The following PCNX2 variants were observed in gnomAD, a reference collection of about 807,000 sequenced individuals.
PCNX2 encodes pecanex 2, also known as pecanex-like protein 2.
In PCNX2, 168 loss-of-function variants were observed where a neutral mutation model predicts 223.8. That is an observed-to-expected ratio of 0.75 (90% CI 0.66 to 0.85). The LOEUF is 0.85. Ranked by LOEUF, PCNX2 falls within the 40% of genes least tolerant of loss-of-function variation. The probability of loss-of-function intolerance (pLI) is 0.00; values close to 1 mark genes in which losing one functional copy is unlikely to be tolerated. For synonymous variants in PCNX2, 1,006 were observed against 1,052.6 expected, an observed-to-expected ratio of 0.96 and a Z score of 0.86; for missense variants, 2,507 against 2,675.5, an observed-to-expected ratio of 0.94 and a Z score of 1.39.
At chr1:233,288,170 G>T (rs1283364524) in intron 1 of PCNX2, among the ~76,000 whole-genome samples, 1 of 152,168 alleles carries the variant, frequency 6.6e-6, no homozygotes, top group Admixed American at 6.5e-5. Context: ...GAGACCAAAT[G>T]ATTAAAGCCA....
chr1:233,056,115 T>C (rs890406369), intron 24 of PCNX2, among the ~76,000 whole-genome samples: 49 of 152,192 alleles, frequency 3.2e-4, no homozygotes, highest in African/African-American at 1.0e-3. Context: ...TCAGTATGCT[T>C]AATCTTCTAT....
intron 19 of PCNX2, among the ~76,000 whole-genome samples, chr1:233,154,695 A>T (rs1678010616): frequency 6.6e-6 from 1 of 152,232 alleles, no homozygotes; most frequent in African/African-American, 2.4e-5. Context: ...AGATTTAAGC[A>T]ATGATACATG....
intron 1 of PCNX2, among the ~76,000 whole-genome samples, chr1:233,277,450 T>C (rs143851986): frequency 0.01 from 1,549 of 152,306 alleles, 14 homozygotes; most frequent in South Asian, 0.028. Context: ...GGTCATTGCA[T>C]CACAGAAGTG....
intron 1 of PCNX2, among the ~76,000 whole-genome samples, chr1:233,266,115 A>G (rs1282146891): frequency 6.6e-6 from 1 of 152,130 alleles, no homozygotes; most frequent in African/African-American, 2.4e-5. Context: ...AGTGGGAGAC[A>G]GAGATTTTAC....
Position 233,090,037 on chromosome 1 carries a change from T to A in PCNX2, c.4076+24A>T, listed in dbSNP as rs377116704. On this transcript the variant is annotated intron_variant, in intron 23 of 33. Transcript: ENST00000258229. ...GAAGTGCAAACTGGAGAAAAGCAAT[T>A]GAGCACTGATTTTAGGATCTTACTT... The A allele has an allele frequency of 5.6e-6, 9 of 1,613,122 alleles. No individual in the cohort carries two copies. The African/African-American group carries it at 1.1e-4, about 19-fold the overall frequency.
chr1:233,215,566 G>A (rs1052695192), intron 12 of PCNX2, among the ~76,000 whole-genome samples: 1 of 152,190 alleles, frequency 6.6e-6, no homozygotes. Flanking sequence ...AGCTGTACTT[G>A]CCATCCACCT....
In PCNX2 at chr1:233,252,519, T is replaced by C. The variant is rs773993044; in HGVS notation, c.1983-20A>G. ...TGAAAACTTAACACATATAAAAGTT[T>C]CAAAAAAAATGATTAGAAGTTCCTC... On this transcript the variant is annotated intron_variant, in intron 6 of 33. Coordinates refer to ENST00000258229, the MANE Select transcript of PCNX2 (RefSeq NM_014801.4). The C allele has an allele frequency of 1.9e-6, 3 of 1,583,556 alleles. No homozygotes were observed. In the East Asian group the frequency reaches 6.8e-5, roughly 36 times the overall value.
At chr1:233,143,368 T>C (rs1677239768) in intron 19 of PCNX2, among the ~76,000 whole-genome samples, 1 of 152,230 alleles carries the variant, frequency 6.6e-6, no homozygotes, top group Admixed American at 6.5e-5. Flanking sequence ...CAGAGTCTGA[T>C]GCAGTAGGTC....
At chr1:232,985,151 G>A (rs1435893889) in intron 33 of PCNX2, 1 of 152,248 alleles carries the variant, frequency 6.6e-6, no homozygotes, top group South Asian at 2.1e-4. Flanking sequence ...CCCCTTCCAT[G>A]AAAGGTGGCA....
At chr1:233,018,367 T>C (rs1452918330) in intron 26 of PCNX2, among the ~76,000 whole-genome samples, 1 of 152,134 alleles carries the variant, frequency 6.6e-6, no homozygotes, top group African/African-American at 2.4e-5. Flanking sequence ...TGTGAAATTG[T>C]TGTAATCTTC....
At position 233,185,084 on chromosome 1, in the gene PCNX2, A is replaced by AACACAC. The variant is rs60719299; in HGVS notation, c.3067-5915_3067-5910dup. On this transcript the variant is annotated intron_variant, in intron 15 of 33. Coordinates refer to ENST00000258229, the MANE Select transcript of PCNX2 (RefSeq NM_014801.4). ...ACTAATGCAGATGTATACATACATA[A>AACACAC]ACACACACACACACACACACACACA... Among the ~76,000 whole-genome samples the AACACAC allele has an allele frequency of 4.4e-3, 624 of 141,818 alleles. 2 individuals carry two copies. Among genetic ancestry groups the AACACAC allele is most frequent in the African/African-American group, 0.014 (546 of 37,816 alleles). The allele number at this position is 141,818 out of a possible 152,430, so 93.0% of individuals were successfully genotyped here. A position where few individuals can be genotyped will look rare whatever the true frequency, so the allele number is the denominator to read the frequency against.
At chr1:233,172,895 C>T (rs1369895517) in intron 17 of PCNX2, among the ~76,000 whole-genome samples, 3 of 152,080 alleles carry the variant, frequency 2.0e-5, no homozygotes, top group Non-Finnish European at 4.4e-5. Flanking sequence ...TTCCCTCTTC[C>T]TCTCTCTCAC....
At chr1:233,133,716 C>T (rs559617671) in intron 21 of PCNX2, among the ~76,000 whole-genome samples, 1 of 152,162 alleles carries the variant, frequency 6.6e-6, no homozygotes, top group African/African-American at 2.4e-5. Context: ...AACAATTAGC[C>T]AGGCGTGGTG....
intron 4 of PCNX2, chr1:233,259,844 C>A (rs1326328592): frequency 1.1e-6 from 1 of 899,340 alleles, no homozygotes; most frequent in South Asian, 5.1e-5. Context: ...AACACTCCCA[C>A]TGTGAAATTA....
chr1:233,235,957 A>AAATATATATATATATAT (rs369886650), intron 9 of PCNX2, among the ~76,000 whole-genome samples: 256 of 93,018 alleles, frequency 2.8e-3, no homozygotes, highest in Non-Finnish European at 4.3e-3. Flanking sequence ...CATAAAAAAA[A>AAATATATATATATATAT]ATATATATAT....
intron 25 of PCNX2, among the ~76,000 whole-genome samples, chr1:233,030,069 C>T (rs1451208930): frequency 4.6e-5 from 7 of 152,140 alleles, no homozygotes. Context: ...TTGAATTACA[C>T]ATATGTTAAA....
At position 233,268,058 on chromosome 1, in the gene PCNX2, C is replaced by T. The variant is rs186698765; in HGVS notation, c.154-4895G>A. On this transcript the variant is annotated intron_variant, in intron 1 of 33. Coordinates refer to ENST00000258229, the MANE Select transcript of PCNX2 (RefSeq NM_014801.4). ...TCATGAGTAGCTGGGACTACAGGCG[C>T]GCACCACCAAGCCCAGCTAATTTTT... 1.8e-3 allele frequency among the ~76,000 whole-genome samples: 277 copies of T among 152,172 alleles called. 2 individuals are homozygous for T. In the South Asian group the frequency reaches 0.025, roughly 14 times the overall value.
At chr1:233,108,745 A>T (rs1377595751) in intron 21 of PCNX2, among the ~76,000 whole-genome samples, 1 of 152,200 alleles carries the variant, frequency 6.6e-6, no homozygotes, top group Non-Finnish European at 1.5e-5. Context: ...GGATTGTTTA[A>T]AAATGAGAAA....
intron 22 of PCNX2, among the ~76,000 whole-genome samples, chr1:233,092,813 T>C (rs1673936879): frequency 6.6e-6 from 1 of 152,214 alleles, no homozygotes; most frequent in Non-Finnish European, 1.5e-5. Flanking sequence ...TTTTTGTTTT[T>C]TTTGAAATGA....
Sources: gnomAD v4.1 joint callset for allele counts (sites outside exome capture counted in the v4.1 genomes callset) on GRCh38, gnomAD v4.1.1 for gene constraint, MANE v1.5 for transcripts, NCBI Gene and HGNC (gene_info 2026-07-23, HGNC 2026-07-21) for gene names.